The following SERPINB12 variants were observed in gnomAD, a reference collection of about 807,000 sequenced individuals.
SERPINB12 encodes the protein serpin B12.
Under a neutral mutation model 41.1 loss-of-function variants are expected in SERPINB12, and 57 were observed. The observed-to-expected ratio is 1.39, with a 90% CI of 1.12 to 1.73. SERPINB12 has a LOEUF of 1.73. Ranked by LOEUF, SERPINB12 falls within the 40% of genes most tolerant of loss-of-function variation. The pLI is 0.00. For synonymous variants in SERPINB12, 180 were observed against 181.3 expected, an observed-to-expected ratio of 0.99 and a Z score of 0.06; for missense variants, 536 against 501.9, an observed-to-expected ratio of 1.07 and a Z score of -0.65.
At chr18:63,522,650 T>C in the SERPINB12 span, among the ~76,000 whole-genome samples, 9 of 152,304 alleles carry the variant, frequency 5.9e-5, 1 homozygote, top group African/African-American at 9.6e-5. Flanking sequence ...TCCTTTAAAG[T>C]TGAGGAAAAT....
intron 2 of SERPINB12, among the ~76,000 whole-genome samples, chr18:63,557,846 C>T (rs955401658): frequency 2.0e-5 from 3 of 152,094 alleles, no homozygotes; most frequent in African/African-American, 7.2e-5. Flanking sequence ...ATAATGAGAA[C>T]CACATAGTAA....
chr18:63,532,733 A>T, the SERPINB12 span, among the ~76,000 whole-genome samples: 1 of 152,146 alleles, frequency 6.6e-6, no homozygotes, highest in Non-Finnish European at 1.5e-5. Flanking sequence ...CTAACCTCTC[A>T]GGGTGTGTCC....
Position 63,565,474 on chromosome 18 carries a change from G to T in SERPINB12, c.735G>T (p.Thr245=), listed in dbSNP as rs759853113. ...ANENKSVKMM[T]QKGLYRIGFI... Reference sequence around the variant, plus strand: ...AAAACAAGAGTGTGAAGATGATGACGCAAAAAGGCCTCTACAGAATTGGCT... The same window carrying T: ...AAAACAAGAGTGTGAAGATGATGACTCAAAAAGGCCTCTACAGAATTGGCT... Residue 245 remains threonine (T), a synonymous_variant, in exon 7 of 8, where the codon ACG becomes ACT. Transcript: ENST00000382768. The T allele has an allele frequency of 3.7e-6, 6 of 1,613,446 alleles. No individual in the cohort carries two copies. The highest frequency in any genetic ancestry group is 1.3e-5 in the African/African-American group (1 of 74,966).
At chr18:63,561,430 C>T (rs1910907214) in intron 5 of SERPINB12, among the ~76,000 whole-genome samples, 1 of 152,154 alleles carries the variant, frequency 6.6e-6, no homozygotes, top group Non-Finnish European at 1.5e-5. Flanking sequence ...TAAAGGGGAA[C>T]ACTTATACAC....
At chr18:63,559,816 C>T in intron 4 of SERPINB12, 98 bp downstream of exon 4, 1 of 1,256,826 alleles carries the variant, frequency 8.0e-7, no homozygotes. Context: ...AGAACACAAA[C>T]CTCTTTGACA....
intron 1 of SERPINB12, among the ~76,000 whole-genome samples, chr18:63,543,982 T>C (rs1910329122): frequency 6.6e-6 from 1 of 152,232 alleles, no homozygotes; most frequent in East Asian, 1.9e-4. Flanking sequence ...TTATTGTATG[T>C]AAATAGAGGT....
intron 1 of SERPINB12, among the ~76,000 whole-genome samples, chr18:63,551,439 C>G (rs1156546692): frequency 6.6e-6 from 1 of 152,056 alleles, no homozygotes; most frequent in Admixed American, 6.5e-5. Flanking sequence ...GATTCTCCTG[C>G]CTCAGCCCCT....
intron 1 of SERPINB12, among the ~76,000 whole-genome samples, chr18:63,549,386 C>A (rs1397024865): frequency 1.3e-5 from 2 of 151,998 alleles, no homozygotes; most frequent in Non-Finnish European, 2.9e-5. Flanking sequence ...ATATTATAGG[C>A]AAAAATATGA....
At chr18:63,559,467 A>G (rs981950153) in intron 3 of SERPINB12, 111 bp from the exon 4 acceptor site, 55 of 1,084,900 alleles carry the variant, frequency 5.1e-5, no homozygotes, top group Non-Finnish European at 6.6e-5. Flanking sequence ...GACAGCTGAC[A>G]TCTTACTAAG....
chr18:63,557,654 G>A (rs1910723108), intron 2 of SERPINB12, among the ~76,000 whole-genome samples: 1 of 152,172 alleles, frequency 6.6e-6, no homozygotes, highest in Admixed American at 6.5e-5. Flanking sequence ...GCATCTTGCA[G>A]GGCAGAATTC....
At chr18:63,523,498 A>G in the SERPINB12 span, among the ~76,000 whole-genome samples, 1 of 152,238 alleles carries the variant, frequency 6.6e-6, no homozygotes, top group Non-Finnish European at 1.5e-5. Flanking sequence ...TCAGTCAAGC[A>G]CAGGAAGAGT....
intron 2 of SERPINB12, among the ~76,000 whole-genome samples, chr18:63,557,164 CCTTGGGTAAGTCATGCCCATCCTAT>C (rs1330000178): frequency 1.3e-5 from 2 of 152,164 alleles, no homozygotes; most frequent in African/African-American, 4.8e-5. Context: ...CTCCTGGCTT[CCTTGGGTAAGTCATGCCCATCCTAT>C]CTTGGGGCCT....
rs777399867 is a variant in SERPINB12 at position 63,564,021 on chromosome 18, G to A, written c.606G>A (p.Glu202=). Residue 202 remains glutamate, a synonymous_variant, in exon 6 of 8, where the codon GAG becomes GAA. Transcript: ENST00000382768. ...ELFSKDAINA[E]TVLVLVNAVY... ...TCAGCAAGGACGCTATTAATGCTGA[G>A]ACTGTGCTGGTACTGGTGAATGCTG... 6.2e-7 allele frequency: 1 copy of A among 1,613,898 alleles called. No individual in the cohort carries two copies. Among genetic ancestry groups the A allele is most frequent in the South Asian group, 1.1e-5 (1 of 91,016 alleles).
intron 2 of SERPINB12, 79 bp downstream of exon 2, chr18:63,556,406 C>T (rs1910681158): frequency 7.1e-7 from 1 of 1,398,742 alleles, no homozygotes; most frequent in Non-Finnish European, 9.8e-7. Context: ...CCCACTTAGG[C>T]AAGCCAAGGG....
chr18:63,548,486 G>A (rs187853165), intron 1 of SERPINB12, among the ~76,000 whole-genome samples: 97 of 152,044 alleles, frequency 6.4e-4, no homozygotes, highest in African/African-American at 2.2e-3. Context: ...ACAATTTTCA[G>A]TAAATAAGAG....
Position 63,561,079 on chromosome 18 carries a change from G to C in SERPINB12, c.445-6G>C. ...GCATTATTTCCCTTTTATTCCAATG[G>C]AACAGGAATACTTAGATGGTGTGAT... is the stretch of plus-strand genomic sequence containing the variant. On this transcript the variant is annotated splice_region_variant and splice_polypyrimidine_tract_variant and intron_variant, in intron 4 of 7. Transcript: ENST00000382768. 1 of 1,556,016 alleles carries C rather than the reference G, an allele frequency of 6.4e-7. No homozygotes were observed. The highest frequency in any genetic ancestry group is 1.1e-5 in the South Asian group (1 of 89,344).
intron 1 of SERPINB12, among the ~76,000 whole-genome samples, chr18:63,546,054 A>T (rs1568124392): frequency 6.6e-6 from 1 of 152,196 alleles, no homozygotes; most frequent in African/African-American, 2.4e-5. Context: ...CTACATAAGT[A>T]GTTTATATTT....
At chr18:63,539,581 C>T (rs899890579), upstream of SERPINB12, among the ~76,000 whole-genome samples, 1 of 151,942 alleles carries the variant, frequency 6.6e-6, no homozygotes, top group South Asian at 2.1e-4. Context: ...TCATCAGGTG[C>T]CCCCCACCCC....
chr18:63,521,163 T>G, the SERPINB12 span, among the ~76,000 whole-genome samples: 1 of 152,222 alleles, frequency 6.6e-6, no homozygotes, highest in South Asian at 2.1e-4. Context: ...CAGAGTCTTT[T>G]GTGATACTTC....
Sources: allele counts gnomAD v4.1 joint callset (sites outside exome capture counted in the v4.1 genomes callset), GRCh38; gene constraint gnomAD v4.1.1; transcripts MANE v1.5; gene names NCBI Gene and HGNC (gene_info 2026-07-23, HGNC 2026-07-21).